The following WDFY4 variants were observed in gnomAD, a reference collection of about 807,000 sequenced individuals.
The protein encoded by WDFY4 is WD repeat- and FYVE domain-containing protein 4.
In WDFY4, 169 loss-of-function variants were observed where a neutral mutation model predicts 351.9. That is an observed-to-expected ratio of 0.48 (90% confidence interval 0.42 to 0.55). The LOEUF (loss-of-function observed/expected upper bound fraction) is 0.55, where lower values mean the gene tolerates loss of function less well. WDFY4 is among the 20% of genes least tolerant of loss of function. The pLI, the probability that WDFY4 is intolerant of heterozygous loss-of-function variation, is 0.00. For synonymous variants in WDFY4, 1,622 were observed against 1,574.6 expected (o/e 1.03, Z -0.71); for missense variants, 3,803 against 3,935.6 (o/e 0.97, Z 0.90).
chr10:48,717,077 C>A (rs901117754), intron 2 of WDFY4, among the ~76,000 whole-genome samples: 2 of 152,178 alleles, frequency 1.3e-5, no homozygotes, highest in Admixed American at 6.5e-5. Flanking sequence ...CCGGCTAAGC[C>A]TCAATTTCTA....
chr10:48,729,906 G>A (rs532730310), intron 8 of WDFY4, among the ~76,000 whole-genome samples: 2 of 152,246 alleles, frequency 1.3e-5, no homozygotes, highest in Non-Finnish European at 2.9e-5. Flanking sequence ...CAGAGTCAGT[G>A]ACTTCTCAGT....
At chr10:48,765,269 A>G (rs754157278) in intron 13 of WDFY4, among the ~76,000 whole-genome samples, 1 of 152,206 alleles carries the variant, frequency 6.6e-6, no homozygotes, top group Non-Finnish European at 1.5e-5. Flanking sequence ...AACATTTACC[A>G]TAGAGGGCAG....
intron 18 of WDFY4, among the ~76,000 whole-genome samples, chr10:48,779,469 T>C (rs533307789): frequency 2.7e-4 from 41 of 152,330 alleles, no homozygotes; most frequent in South Asian, 1.2e-3. Context: ...GGGAAAAACA[T>C]TGGGAGGCCC....
intron 34 of WDFY4, among the ~76,000 whole-genome samples, chr10:48,821,959 T>C (rs1402625970): frequency 6.6e-6 from 1 of 152,170 alleles, no homozygotes; most frequent in Non-Finnish European, 1.5e-5. Context: ...TTAGTTGAGA[T>C]CATCACACAC....
chr10:48,685,684 C>T (rs949153073), intron 1 of WDFY4, among the ~76,000 whole-genome samples: 2 of 152,174 alleles, frequency 1.3e-5, no homozygotes, highest in South Asian at 2.1e-4. Flanking sequence ...AACACTAAAC[C>T]GATCCTTTGT....
chr10:48,914,356 G>A (rs1041223331), intron 47 of WDFY4: 2 of 598,094 alleles, frequency 3.3e-6, no homozygotes, highest in Admixed American at 6.1e-5. Flanking sequence ...GAGAAGTCAG[G>A]GCAAAGTGGA....
intron 49 of WDFY4, among the ~76,000 whole-genome samples, chr10:48,943,872 G>C (rs907677405): frequency 1.3e-5 from 2 of 152,220 alleles, no homozygotes; most frequent in Non-Finnish European, 2.9e-5. Flanking sequence ...TGGGATTACA[G>C]GCATGAGCCA....
rs560611499 is a variant in WDFY4 at position 48,731,483 on chromosome 10, C to G, written c.1503C>G (p.Thr501=). 9.0e-6 allele frequency: 14 copies of G among 1,551,530 alleles called. No individual in the cohort carries two copies. Among genetic ancestry groups the G allele is most frequent in the Non-Finnish European group, 1.1e-5 (13 of 1,147,006 alleles). Residue 501 remains threonine, a synonymous_variant, in exon 9 of 62, where the codon ACC becomes ACG. Transcript: ENST00000325239. ...LSIAGGDPLF[T]DIFRDSGLLG... is the part of the protein sequence containing the mutation. ...TCGCTGGTGGGGACCCCCTCTTCAC[C>G]GACATCTTCCGGGACTCAGGGCTCC...
intron 46 of WDFY4, among the ~76,000 whole-genome samples, chr10:48,901,198 C>T (rs1442272755): frequency 6.6e-6 from 1 of 152,242 alleles, no homozygotes; most frequent in African/African-American, 2.4e-5. Context: ...CTCAGGTGAG[C>T]CTGCTCATGC....
chr10:48,807,640 G>A (rs2132888351), intron 27 of WDFY4, among the ~76,000 whole-genome samples: 1 of 152,298 alleles, frequency 6.6e-6, no homozygotes, highest in African/African-American at 2.4e-5. Flanking sequence ...AAGATGTGCA[G>A]CATTGCAGAC....
intron 11 of WDFY4, among the ~76,000 whole-genome samples, chr10:48,737,264 C>A (rs889468978): frequency 6.6e-6 from 1 of 152,060 alleles, no homozygotes. Context: ...CCCACCTCAG[C>A]CTCCCAAAGT....
intron 49 of WDFY4, among the ~76,000 whole-genome samples, chr10:48,944,020 C>T (rs1840919617): frequency 6.6e-6 from 1 of 152,222 alleles, no homozygotes; most frequent in Non-Finnish European, 1.5e-5. Flanking sequence ...GGCTTCCTGG[C>T]TTACTCTCCA....
At chr10:48,874,010 A>T (rs1399798981) in intron 41 of WDFY4, among the ~76,000 whole-genome samples, 1 of 152,202 alleles carries the variant, frequency 6.6e-6, no homozygotes, top group Non-Finnish European at 1.5e-5. Flanking sequence ...AGTCCTGTGG[A>T]ATCATCTGGA....
intron 47 of WDFY4, among the ~76,000 whole-genome samples, chr10:48,916,347 G>A (rs1209431708): frequency 2.6e-5 from 4 of 152,176 alleles, no homozygotes; most frequent in Non-Finnish European, 4.4e-5. Context: ...AGACAGTAAG[G>A]GAAATCTGTT....
chr10:48,758,666 A>ACT (rs1407144543), intron 12 of WDFY4, among the ~76,000 whole-genome samples: 1 of 150,932 alleles, frequency 6.6e-6, no homozygotes, highest in Non-Finnish European at 1.5e-5. Flanking sequence ...GTGTTCATGG[A>ACT]CTCTCCTCTC....
chr10:48,751,435 G>A (rs1378703764), intron 12 of WDFY4, among the ~76,000 whole-genome samples: 1 of 152,194 alleles, frequency 6.6e-6, no homozygotes, highest in Non-Finnish European at 1.5e-5. Flanking sequence ...GAAAGGAGAG[G>A]AGCAAAGGAG....
chr10:48,819,490 G>A (rs944673396), intron 32 of WDFY4, among the ~76,000 whole-genome samples: 8 of 152,206 alleles, frequency 5.3e-5, no homozygotes, highest in Non-Finnish European at 1.2e-4. Flanking sequence ...AAAGGGAGGT[G>A]CTAACAGATG....
intron 59 of WDFY4, 161 bp downstream of exon 59, chr10:48,977,140 G>A (rs904828028): frequency 1.8e-6 from 1 of 568,098 alleles, no homozygotes; most frequent in Non-Finnish European, 2.7e-6. Context: ...TCTTTGCAGG[G>A]AAAAAGTAAA....
chr10:48,817,263 G>A lies in WDFY4; in HGVS notation c.5359G>A (p.Asp1787Asn). The A allele has an allele frequency of 6.4e-7, 1 of 1,551,678 alleles. No homozygotes were observed. The highest frequency in any genetic ancestry group is 8.7e-7 in the Non-Finnish European group (1 of 1,147,018). Residue 1787 changes from aspartate to asparagine, a missense_variant, in exon 32 of 62, where the codon GAT becomes AAT. This residue lies in a region of WDFY4 where 3,054 missense variants were observed against 3,148.6 expected (regional missense o/e 0.97). Coordinates refer to ENST00000325239, the MANE Select transcript of WDFY4 (RefSeq NM_001394531.1). ...TMSQPLAGSEDGAWAQTFPAS... is the reference protein window; with the variant it reads ...TMSQPLAGSENGAWAQTFPAS... Reference sequence around the variant, plus strand: ...GCCTCAGCCCCTGGCAGGTTCTGAGGATGGTGCCTGGGCACAGACCTTCCC... The same window carrying A: ...GCCTCAGCCCCTGGCAGGTTCTGAGAATGGTGCCTGGGCACAGACCTTCCC...
Sources: gnomAD v4.1 joint callset for allele counts (sites outside exome capture counted in the v4.1 genomes callset) on GRCh38, gnomAD v4.1.1 for gene constraint, gnomAD v4.1.1 regional missense constraint, MANE v1.5 for transcripts, NCBI Gene and HGNC (gene_info 2026-07-23, HGNC 2026-07-21) for gene names.